The following PCDHGA2 variants were observed in gnomAD, a reference collection of about 807,000 sequenced individuals.
PCDHGA2 encodes protocadherin gamma-A2.
In PCDHGA2, 40 loss-of-function variants were observed where a neutral mutation model predicts 59.2. The observed-to-expected ratio is 0.68, with a 90% CI of 0.52 to 0.88. PCDHGA2 has a LOEUF of 0.88. PCDHGA2 is among the 40% of genes least tolerant of loss of function. PCDHGA2 has a pLI of 0.00. For missense variants in PCDHGA2, 1,226 were observed against 1,204.0 expected (o/e 1.02, Z -0.27); for synonymous variants, 560 against 526.0 (o/e 1.06, Z -0.89).
At chr5:141,357,136 G>C (rs779756612) in intron 1 of PCDHGA2, 1 of 1,613,540 alleles carries the variant, frequency 6.2e-7, no homozygotes, top group South Asian at 1.1e-5. Flanking sequence ...TGTAGTGGTC[G>C]TCCAGGACCA....
intron 1 of PCDHGA2, among the ~76,000 whole-genome samples, chr5:141,475,253 A>C (rs2099360990): frequency 6.6e-6 from 1 of 152,200 alleles, no homozygotes; most frequent in Non-Finnish European, 1.5e-5. Flanking sequence ...GTGCTCTACA[A>C]CTGAGATCAT....
chr5:141,360,642 A>T (rs1268181436), intron 1 of PCDHGA2: 2 of 1,613,916 alleles, frequency 1.2e-6, no homozygotes, highest in Admixed American at 3.3e-5. Context: ...CACTACAAAG[A>T]TACCACCTTA....
At chr5:141,423,833 T>A in intron 1 of PCDHGA2, 1 of 1,262,398 alleles carries the variant, frequency 7.9e-7, no homozygotes, top group Non-Finnish European at 1.0e-6. Context: ...TTCATGAGAT[T>A]ACGATAATCT....
chr5:141,343,186 A>G (rs1216863328), intron 1 of PCDHGA2: 2 of 550,126 alleles, frequency 3.6e-6, no homozygotes, highest in Admixed American at 6.4e-5. Context: ...ATCCCCAAAC[A>G]TATTGTCTGA....
Position 141,340,860 on chromosome 5 carries a change from G to A in PCDHGA2, c.1889G>A (p.Arg630Gln), listed in dbSNP as rs1756992880. The A allele has an allele frequency of 1.9e-6, 3 of 1,613,590 alleles. No individual in the cohort carries two copies. Among genetic ancestry groups the A allele is most frequent in the East Asian group, 2.2e-5 (1 of 44,832 alleles). ...CACACGGGCGAGGTGCGCACGGCGC[G>A]AGCCCTGCTGGACAGAGACGCGCTC... ...GLHTGEVRTA[R>Q]ALLDRDALKQ... The change falls in exon 1 of 4, where the codon CGA (arginine) becomes CAA (glutamine). Residue 630 changes from arginine (R) to glutamine (Q), a missense_variant. Arg to Gln is a conservative substitution (Grantham distance 43, BLOSUM62 1). Transcript: ENST00000394576.
rs1230922567 is a variant in PCDHGA2, at chr5:141,351,832, C to G, written c.2424+10437C>G. 2 of 1,613,246 alleles carry G rather than the reference C, an allele frequency of 1.2e-6. No homozygotes were observed. Among genetic ancestry groups the G allele is most frequent in the Non-Finnish European group, 8.5e-7 (1 of 1,179,810 alleles). On this transcript the variant is annotated intron_variant, in intron 1 of 3. Coordinates refer to ENST00000394576, the MANE Select transcript of PCDHGA2 (RefSeq NM_018915.4). ...TCGACCACGAGCAGCTGCGCGCCTT[C>G]GAGCTCACACTGCAGGCCAGGGACC...
At position 141,432,686 on chromosome 5, in the gene PCDHGA2, G is replaced by T. The variant is rs2097528577; in HGVS notation, c.2425-62121G>T. ...CAGAGACGCGCTCAAGCAGAGCCTC[G>T]TAGTGGCCGTCCAGGACCACGGCCA... On this transcript the variant is annotated intron_variant, in intron 1 of 3. Transcript: ENST00000394576. The surrounding 1 kb of genome is among the most constrained non-coding windows in gnomAD (Gnocchi z 6.0). 6.2e-7 allele frequency: 1 copy of T among 1,613,922 alleles called. No individual in the cohort carries two copies. Among genetic ancestry groups the T allele is most frequent in the Non-Finnish European group, 8.5e-7 (1 of 1,179,968 alleles).
intron 1 of PCDHGA2, chr5:141,383,409 C>A (rs199780721): frequency 4.3e-6 from 7 of 1,613,892 alleles, no homozygotes; most frequent in Non-Finnish European, 5.9e-6. Flanking sequence ...TCCAGAGTTA[C>A]CAGCTCAGCC....
chr5:141,500,871 T>C (rs2154592764), intron 2 of PCDHGA2, among the ~76,000 whole-genome samples: 1 of 135,840 alleles, frequency 7.4e-6, no homozygotes, highest in African/African-American at 3.0e-5. Context: ...TACACATTCA[T>C]TTACAATTTT....
chr5:141,475,741 G>C (rs1455125695), intron 1 of PCDHGA2, among the ~76,000 whole-genome samples: 1 of 152,268 alleles, frequency 6.6e-6, no homozygotes, highest in Non-Finnish European at 1.5e-5. Flanking sequence ...CCCTAAGGTA[G>C]GTTTCCTATG....
intron 1 of PCDHGA2, chr5:141,375,182 G>A (rs1194415432): frequency 2.5e-6 from 4 of 1,613,936 alleles, no homozygotes; most frequent in South Asian, 1.1e-5. Flanking sequence ...AACAGTAATC[G>A]CCCTTTTTCA....
rs1411664231 is a variant in PCDHGA2 at position 141,390,362 on chromosome 5, GA to G, written c.2424+48971del. 3.9e-6 allele frequency: 6 copies of G among 1,532,890 alleles called. No individual in the cohort carries two copies. In the African/African-American group the frequency reaches 8.3e-5, roughly 21 times the overall value. 95.0% of individuals were successfully genotyped at this position (1,532,890 alleles called of 1,614,324 possible). ...CACAAGAAAATATACATATTTGCAG[GA>G]AAATATATAATTTTTAGATGTCATG... On this transcript the variant is annotated intron_variant, in intron 1 of 3. Coordinates refer to ENST00000394576, the MANE Select transcript of PCDHGA2 (RefSeq NM_018915.4).
rs151239937 is a variant in PCDHGA2, at chr5:141,485,980, G to A, written c.2425-8827G>A. 1.9e-6 allele frequency: 3 copies of A among 1,614,020 alleles called. No homozygotes were observed. The highest frequency in any genetic ancestry group is 2.5e-6 in the Non-Finnish European group (3 of 1,180,004). Reference sequence around the variant, plus strand: ...TCATCCAGCTCAATGCCTCAGACCCGGACCTGGGTCCCAGTGGTAACGTCA... The same window carrying A: ...TCATCCAGCTCAATGCCTCAGACCCAGACCTGGGTCCCAGTGGTAACGTCA... On this transcript the variant is annotated intron_variant, in intron 1 of 3. Coordinates refer to ENST00000394576, the MANE Select transcript of PCDHGA2 (RefSeq NM_018915.4). The surrounding 1 kb of genome is among the most constrained non-coding windows in gnomAD (Gnocchi z 5.7).
intron 1 of PCDHGA2, chr5:141,471,645 T>G (rs891817778): frequency 1.3e-5 from 2 of 152,178 alleles, no homozygotes; most frequent in Non-Finnish European, 2.9e-5. Context: ...AGTAATATAC[T>G]GGATGTGGGG....
chr5:141,467,781 C>G (rs2099151581), intron 1 of PCDHGA2, among the ~76,000 whole-genome samples: 1 of 152,228 alleles, frequency 6.6e-6, no homozygotes, highest in East Asian at 1.9e-4. Context: ...ACCTCAGCCT[C>G]TCAAGTAGCT....
At chr5:141,365,092 C>T in intron 1 of PCDHGA2, 1 of 1,613,856 alleles carries the variant, frequency 6.2e-7, no homozygotes, top group Non-Finnish European at 8.5e-7. Flanking sequence ...TTCCAGAGAA[C>T]ATACCTGTGG....
chr5:141,360,605 C>T (rs2149815943), intron 1 of PCDHGA2: 1 of 1,614,000 alleles, frequency 6.2e-7, no homozygotes, highest in Admixed American at 1.7e-5. Flanking sequence ...CTTGACCCAG[C>T]CCTGGATTCA....
chr5:141,491,980 C>T lies in PCDHGA2; in HGVS notation c.2425-2827C>T. ...AAAAAAGGCCGGGGCCTCCTTCGAG[C>T]TTCCGGTGAATTTCGGGCGATTTCC... On this transcript the variant is annotated intron_variant, in intron 1 of 3. Transcript: ENST00000394576. The surrounding 1 kb of genome is among the most constrained non-coding windows in gnomAD (Gnocchi z 6.9). The T allele has an allele frequency of 2.5e-6, 2 of 784,432 alleles. No individual in the cohort carries two copies. The highest frequency in any genetic ancestry group is 3.8e-6 in the Non-Finnish European group (2 of 530,588). 48.6% of individuals were successfully genotyped at this position (784,432 alleles called of 1,614,324 possible). A position where few individuals can be genotyped will look rare whatever the true frequency, so the allele number is the denominator to read the frequency against.
At chr5:141,362,074 C>A (rs1441916525) in intron 1 of PCDHGA2, 1 of 1,612,448 alleles carries the variant, frequency 6.2e-7, no homozygotes, top group East Asian at 2.2e-5. Context: ...GGTCGCTGTG[C>A]GTGATGGAGG....
Sources: gnomAD v4.1 joint callset for allele counts (sites outside exome capture counted in the v4.1 genomes callset) on GRCh38, gnomAD v4.1.1 for gene constraint, Gnocchi (gnomAD v3.1) non-coding constraint, MANE v1.5 for transcripts, NCBI Gene and HGNC (gene_info 2026-07-23, HGNC 2026-07-21) for gene names.